Variants in SLC15A1 observed in about 807,000 individuals in gnomAD.
SLC15A1 encodes the protein solute carrier family 15 member 1.
Under a neutral mutation model 92.9 loss-of-function variants are expected in SLC15A1, and 83 were observed. The ratio of observed to expected loss-of-function variants is 0.89; its 90% confidence interval spans 0.75 to 1.07. The LOEUF (loss-of-function observed/expected upper bound fraction) is 1.07. Ranked by LOEUF, SLC15A1 falls within the 50% of genes least tolerant of loss-of-function variation. The pLI, the probability that SLC15A1 is intolerant of heterozygous loss-of-function variation, is 0.00. For synonymous variants in SLC15A1, 322 were observed against 318.2 expected (o/e 1.01, Z -0.13); for missense variants, 857 against 880.1 (o/e 0.97, Z 0.33).
chr13:98,731,338 G>T (rs569821793), intron 1 of SLC15A1, among the ~76,000 whole-genome samples: 6 of 152,344 alleles, frequency 3.9e-5, no homozygotes, highest in Admixed American at 1.3e-4. Context: ...TCGGGCAAGC[G>T]TGTGTTTTGC....
At chr13:98,744,395 G>A (rs2088475316) in intron 1 of SLC15A1, among the ~76,000 whole-genome samples, 1 of 150,976 alleles carries the variant, frequency 6.6e-6, no homozygotes, top group South Asian at 2.1e-4. Flanking sequence ...TTACAATCAT[G>A]GTTAAGTATG....
chr13:98,752,096 G>A (rs545124140), intron 1 of SLC15A1, among the ~76,000 whole-genome samples: 1 of 152,350 alleles, frequency 6.6e-6, no homozygotes, highest in South Asian at 2.1e-4. Context: ...TTAAGCCAGG[G>A]GACAGTGCAG....
chr13:98,706,094 C>G (rs1315442780), intron 16 of SLC15A1, 40 bp downstream of exon 16: 1 of 1,591,134 alleles, frequency 6.3e-7, no homozygotes, highest in East Asian at 2.2e-5. Context: ...ATAACAGGGT[C>G]AGAAGATGAA....
intron 1 of SLC15A1, among the ~76,000 whole-genome samples, chr13:98,749,067 C>T (rs1255778853): frequency 6.6e-6 from 1 of 152,228 alleles, no homozygotes; most frequent in African/African-American, 2.4e-5. Flanking sequence ...GTGAGTTCCC[C>T]CGAAGGTCAT....
In SLC15A1 at chr13:98,719,503, GA is replaced by G. The variant is rs2088237342; in HGVS notation, c.557-184del. Among the ~76,000 whole-genome samples, 3 of 152,232 alleles carry G rather than the reference GA, an allele frequency of 2.0e-5. No homozygotes were observed. The South Asian group carries it at 6.2e-4, about 31-fold the overall frequency. On this transcript the variant is annotated intron_variant, in intron 7 of 22. Coordinates refer to ENST00000376503, the MANE Select transcript of SLC15A1 (RefSeq NM_005073.4). The stretch of plus-strand genomic sequence containing the variant: ...CAGCAGTGAAGCAGGAGGAGCAGGA[GA>G]TGGAAACCAGTTCTAATCTCAGCCC...
At chr13:98,715,822 G>A (rs1466437445) in intron 9 of SLC15A1, 56 bp downstream of exon 9, 43 of 1,370,396 alleles carry the variant, frequency 3.1e-5, no homozygotes, top group Non-Finnish European at 4.4e-5. Context: ...TTTAAAGAAA[G>A]TAGAAGGTTC....
At chr13:98,742,052 G>A (rs1300820510) in intron 1 of SLC15A1, among the ~76,000 whole-genome samples, 1 of 152,226 alleles carries the variant, frequency 6.6e-6, no homozygotes, top group Non-Finnish European at 1.5e-5. Flanking sequence ...GTGGGCCACT[G>A]GGCCAAGGCT....
chr13:98,743,376 A>G (rs1182551227), intron 1 of SLC15A1, among the ~76,000 whole-genome samples: 2 of 152,246 alleles, frequency 1.3e-5, no homozygotes, highest in East Asian at 3.8e-4. Context: ...TCGTGGTTTT[A>G]TAAATTACCT....
At chr13:98,750,400 C>T (rs9557038) in intron 1 of SLC15A1, among the ~76,000 whole-genome samples, 9,952 of 152,084 alleles carry the variant, frequency 0.065, 582 homozygotes, top group East Asian at 0.31. Context: ...TGTGAGCCAC[C>T]GCGCCCAGCC....
intron 18 of SLC15A1, among the ~76,000 whole-genome samples, 185 bp from the exon 19 acceptor site, chr13:98,688,762 T>C (rs1219696268): frequency 6.6e-6 from 1 of 152,170 alleles, no homozygotes; most frequent in East Asian, 1.9e-4. Context: ...CACCCACTCA[T>C]GAGAACACAC....
At chr13:98,730,349 A>G (rs1566456234) in intron 1 of SLC15A1, among the ~76,000 whole-genome samples, 6 of 151,120 alleles carry the variant, frequency 4.0e-5, no homozygotes. Context: ...GGGGAAATAC[A>G]CTGTACTGGT....
chr13:98,734,272 T>C (rs1393853191), intron 1 of SLC15A1, among the ~76,000 whole-genome samples: 43 of 152,202 alleles, frequency 2.8e-4, no homozygotes, highest in Admixed American at 2.8e-3. Context: ...GCCTTAGATC[T>C]GGTTATTTGA....
Position 98,704,284 on chromosome 13 carries a change from C to T in SLC15A1, c.1416+5G>A. 6.3e-7 allele frequency: 1 copy of T among 1,595,068 alleles called. No individual in the cohort carries two copies. Among genetic ancestry groups the T allele is most frequent in the Non-Finnish European group, 8.5e-7 (1 of 1,173,352 alleles). On this transcript the variant is annotated splice_donor_5th_base_variant and intron_variant, in intron 17 of 22. Transcript: ENST00000376503. ...AGAGTCAGCTGTAGGTCTTCACACACTTACCACCTGGTAGTGATTGGGGGC... is the reference window on the plus strand; with the variant it reads ...AGAGTCAGCTGTAGGTCTTCACACATTTACCACCTGGTAGTGATTGGGGGC...
intron 18 of SLC15A1, 70 bp downstream of exon 18, chr13:98,702,410 A>G: frequency 9.9e-7 from 1 of 1,007,240 alleles, no homozygotes; most frequent in Non-Finnish European, 1.6e-6. Context: ...TTACATTTGG[A>G]CTTTACTATG....
rs573918429 is a variant in SLC15A1, at chr13:98,715,377, G to A, written c.723+501C>T. Among the ~76,000 whole-genome samples the A allele has an allele frequency of 9.2e-5, 14 of 152,330 alleles. No homozygotes were observed. The South Asian group carries it at 2.9e-3, about 32-fold the overall frequency. The stretch of plus-strand genomic sequence containing the variant: ...TTTAGTATAGACAGGGTTTTGCCAT[G>A]TTGGCCAGGCTGGCCTCGAAGTCCT... On this transcript the variant is annotated intron_variant, in intron 9 of 22. Coordinates refer to ENST00000376503, the MANE Select transcript of SLC15A1 (RefSeq NM_005073.4).
At chr13:98,734,237 T>G (rs1193509603) in intron 1 of SLC15A1, among the ~76,000 whole-genome samples, 1 of 152,174 alleles carries the variant, frequency 6.6e-6, no homozygotes, top group African/African-American at 2.4e-5. Flanking sequence ...AGTGCTGGGA[T>G]TATAGGCATG....
At chr13:98,752,119 G>A (rs1445774538) in intron 1 of SLC15A1, among the ~76,000 whole-genome samples, 2 of 152,210 alleles carry the variant, frequency 1.3e-5, no homozygotes, top group Non-Finnish European at 2.9e-5. Flanking sequence ...GGTTAAGAGG[G>A]GGCCACAAAG....
intron 18 of SLC15A1, among the ~76,000 whole-genome samples, chr13:98,689,774 T>C (rs1452835676): frequency 6.6e-6 from 1 of 152,170 alleles, no homozygotes; most frequent in African/African-American, 2.4e-5. Context: ...AGGAATCCCC[T>C]TCAGAGGGTG....
intron 17 of SLC15A1, among the ~76,000 whole-genome samples, chr13:98,703,539 C>CTTTTTTTTTTTTTTTTTTTTTTT (rs771426478): frequency 1.2e-5 from 1 of 85,540 alleles, no homozygotes; most frequent in Non-Finnish European, 2.0e-5. Context: ...GCTGCTGCTG[C>CTTTTTTTTTTTTTTTTTTTTTTT]TTTTTTTTTT....
Sources: gnomAD v4.1 joint callset for allele counts (sites outside exome capture counted in the v4.1 genomes callset) on GRCh38, gnomAD v4.1.1 for gene constraint, MANE v1.5 for transcripts, NCBI Gene and HGNC (gene_info 2026-07-23, HGNC 2026-07-21) for gene names.